UNC5D: variants seen among roughly 807,000 people sequenced by gnomAD.
The protein encoded by UNC5D is unc-5 netrin receptor D, also known as netrin receptor UNC5D.
A neutral mutation model predicts 105.4 loss-of-function variants in UNC5D; 39 were observed. That is an observed-to-expected ratio of 0.37 (90% CI 0.29 to 0.48). The LOEUF is 0.48. UNC5D is among the 20% of genes least tolerant of loss of function. The pLI is 0.98. For missense variants in UNC5D, 991 were observed against 1,202.4 expected, an observed-to-expected ratio of 0.82 and a Z score of 2.60; for synonymous variants, 452 against 450.4, an observed-to-expected ratio of 1.00 and a Z score of -0.04.
chr8:35,507,827 A>T (rs931829734), intron 1 of UNC5D, among the ~76,000 whole-genome samples: 6 of 152,172 alleles, frequency 3.9e-5, no homozygotes, highest in Admixed American at 2.6e-4. Flanking sequence ...CTATGATGTG[A>T]TTATTACACA....
chr8:35,399,505 C>A (rs936254707), intron 1 of UNC5D, among the ~76,000 whole-genome samples: 2 of 152,080 alleles, frequency 1.3e-5, no homozygotes, highest in African/African-American at 4.8e-5. Context: ...AGTTTGTCAA[C>A]TTTCAAGCCA....
chr8:35,454,187 G>T (rs1214635596), intron 1 of UNC5D, among the ~76,000 whole-genome samples: 1 of 152,070 alleles, frequency 6.6e-6, no homozygotes, highest in African/African-American at 2.4e-5. Flanking sequence ...ACTCTTGATA[G>T]TTGCAATAAG....
intron 1 of UNC5D, among the ~76,000 whole-genome samples, chr8:35,426,704 T>G (rs1806270913): frequency 6.6e-6 from 1 of 152,112 alleles, no homozygotes; most frequent in Admixed American, 6.5e-5. Flanking sequence ...AACTTCAGAG[T>G]TTTGTTGCAC....
At chr8:35,487,765 C>T (rs1198410814) in intron 1 of UNC5D, among the ~76,000 whole-genome samples, 1 of 152,174 alleles carries the variant, frequency 6.6e-6, no homozygotes, top group African/African-American at 2.4e-5. Context: ...ACCTGCATTG[C>T]CTTGAAGAGA....
intron 4 of UNC5D, among the ~76,000 whole-genome samples, chr8:35,641,989 T>C (rs1051505151): frequency 3.9e-5 from 6 of 152,154 alleles, no homozygotes; most frequent in Non-Finnish European, 1.5e-5. Context: ...CATTTGGTTA[T>C]GAACAGGGAG....
chr8:35,630,910 G>A (rs1295622600), intron 4 of UNC5D, among the ~76,000 whole-genome samples: 1 of 152,186 alleles, frequency 6.6e-6, no homozygotes, highest in African/African-American at 2.4e-5. Flanking sequence ...GGATGTCTCT[G>A]AGCACAGTGA....
At chr8:35,782,536 C>CT (rs1802551852) in intron 16 of UNC5D, among the ~76,000 whole-genome samples, 2 of 148,068 alleles carry the variant, frequency 1.4e-5, no homozygotes, top group Admixed American at 1.3e-4. Context: ...CGGAGTCTCA[C>CT]CCTGTCACCC....
intron 3 of UNC5D, among the ~76,000 whole-genome samples, chr8:35,573,313 C>T (rs1281243307): frequency 2.0e-5 from 3 of 151,994 alleles, no homozygotes; most frequent in Non-Finnish European, 2.9e-5. Context: ...TATGTTGGTG[C>T]GTGCCTGTAG....
chr8:35,334,211 A>C (rs892659278), intron 1 of UNC5D, among the ~76,000 whole-genome samples: 1 of 152,232 alleles, frequency 6.6e-6, no homozygotes, highest in African/African-American at 2.4e-5. Flanking sequence ...GATCAGAGAC[A>C]GCTGCGAAAA....
chr8:35,302,396 T>G (rs1307244762), intron 1 of UNC5D, among the ~76,000 whole-genome samples: 1 of 152,200 alleles, frequency 6.6e-6, no homozygotes, highest in African/African-American at 2.4e-5. Flanking sequence ...CAAAATGACC[T>G]TATCACCAAA....
chr8:35,293,301 A>G (rs985782707), intron 1 of UNC5D, among the ~76,000 whole-genome samples: 6 of 152,200 alleles, frequency 3.9e-5, no homozygotes, highest in African/African-American at 9.7e-5. Flanking sequence ...AAATGTCTCC[A>G]TAGGCTACTG....
chr8:35,789,168 T>TGAG, intron 16 of UNC5D, among the ~76,000 whole-genome samples: 1 of 97,640 alleles, frequency 1.0e-5, no homozygotes, highest in Non-Finnish European at 2.0e-5. Context: ...TATATATATA[T>TGAG]ATATATATAT....
intron 1 of UNC5D, among the ~76,000 whole-genome samples, chr8:35,270,930 T>C (rs1004377589): frequency 1.3e-5 from 2 of 151,480 alleles, no homozygotes; most frequent in African/African-American, 4.8e-5. Context: ...CTATGGTATA[T>C]ATATATATAT....
At chr8:35,738,595 T>TA (rs565799951) in intron 11 of UNC5D, among the ~76,000 whole-genome samples, 162 of 152,316 alleles carry the variant, frequency 1.1e-3, no homozygotes, top group African/African-American at 3.7e-3. Flanking sequence ...CTCATGAAGA[T>TA]ACAGATAACT....
At chr8:35,741,258 T>C (rs1224944821) in intron 11 of UNC5D, among the ~76,000 whole-genome samples, 1 of 152,184 alleles carries the variant, frequency 6.6e-6, no homozygotes, top group Non-Finnish European at 1.5e-5. Flanking sequence ...GGGTAATCTC[T>C]CTGTGTGGTG....
At chr8:35,771,159 C>T (rs1801994753) in intron 15 of UNC5D, among the ~76,000 whole-genome samples, 1 of 152,128 alleles carries the variant, frequency 6.6e-6, no homozygotes, top group Non-Finnish European at 1.5e-5. Context: ...TAGACTCAAT[C>T]TCATATAATA....
At chr8:35,538,407 A>T (rs1278841009) in intron 1 of UNC5D, among the ~76,000 whole-genome samples, 1 of 42,112 alleles carries the variant, frequency 2.4e-5, no homozygotes, top group African/African-American at 1.7e-4. Context: ...ATATATATAT[A>T]TATATATATA....
chr8:35,472,164 A>G (rs150368808), intron 1 of UNC5D, among the ~76,000 whole-genome samples: 3 of 152,346 alleles, frequency 2.0e-5, no homozygotes, highest in Non-Finnish European at 4.4e-5. Context: ...TTAGAAAAGG[A>G]GATCTCATCA....
intron 1 of UNC5D, among the ~76,000 whole-genome samples, chr8:35,419,471 G>A (rs1168641466): frequency 2.6e-5 from 4 of 152,212 alleles, no homozygotes; most frequent in Non-Finnish European, 4.4e-5. Flanking sequence ...GCATCTGGAT[G>A]AGGGGGACAT....
Sources: allele counts gnomAD v4.1 joint callset (sites outside exome capture counted in the v4.1 genomes callset), GRCh38; gene constraint gnomAD v4.1.1; transcripts MANE v1.5; gene names NCBI Gene and HGNC (gene_info 2026-07-23, HGNC 2026-07-21).